The following ETFA variants were observed in gnomAD, a reference collection of about 807,000 sequenced individuals.
The protein encoded by ETFA is electron transfer flavoprotein subunit alpha.
In ETFA, 22 loss-of-function variants were observed where a neutral mutation model predicts 46.2. The observed-to-expected ratio is 0.48, with a 90% CI of 0.34 to 0.68. The LOEUF (loss-of-function observed/expected upper bound fraction) is 0.68, where lower values mean the gene tolerates loss of function less well. Among genes scored for constraint, ETFA ranks in the 30% least tolerant of loss-of-function variants. ETFA has a pLI of 0.01. For synonymous variants in ETFA, 131 were observed against 139.9 expected (o/e 0.94, Z 0.45); for missense variants, 345 against 401.1 (o/e 0.86, Z 1.19).
At chr15:76,260,005 TTCC>T in intron 9 of ETFA, 1 of 1,465,018 alleles carries the variant, frequency 6.8e-7, no homozygotes, top group Non-Finnish European at 9.6e-7. Context: ...GCAAGCTGCT[TTCC>T]TGAGGAACTC....
intron 1 of ETFA, among the ~76,000 whole-genome samples, chr15:76,300,762 AC>A (rs2039872318): frequency 6.6e-6 from 1 of 151,982 alleles, no homozygotes; most frequent in Admixed American, 6.5e-5. Flanking sequence ...TACCTCCCTA[AC>A]CATATATCCC....
intron 9 of ETFA, chr15:76,259,331 G>T (rs570609443): frequency 5.6e-6 from 9 of 1,595,854 alleles, no homozygotes; most frequent in Non-Finnish European, 7.7e-6. Flanking sequence ...TAAAGCTTGG[G>T]CGCTGCTTGG....
intron 9 of ETFA, among the ~76,000 whole-genome samples, chr15:76,249,200 C>T (rs1367025222): frequency 1.3e-5 from 2 of 148,750 alleles, no homozygotes; most frequent in Non-Finnish European, 3.0e-5. Context: ...GTGATCTTGG[C>T]TCACCACAAC....
intron 9 of ETFA, among the ~76,000 whole-genome samples, chr15:76,240,796 C>T (rs995991200): frequency 1.3e-5 from 2 of 151,912 alleles, no homozygotes; most frequent in East Asian, 1.9e-4. Context: ...TCTATAATCC[C>T]AACTACTTGG....
At chr15:76,286,009 A>T (rs1291454981) in intron 6 of ETFA, among the ~76,000 whole-genome samples, 2 of 152,198 alleles carry the variant, frequency 1.3e-5, no homozygotes, top group Non-Finnish European at 2.9e-5. Context: ...GGTTCAAATA[A>T]GACACTATAT....
intron 8 of ETFA, among the ~76,000 whole-genome samples, chr15:76,275,615 G>A (rs1330611999): frequency 2.0e-5 from 3 of 152,218 alleles, no homozygotes; most frequent in Non-Finnish European, 4.4e-5. Context: ...AACTGACACA[G>A]TTGGATTAAT....
At chr15:76,274,292 G>A in intron 9 of ETFA, 120 bp downstream of exon 9, 1 of 789,202 alleles carries the variant, frequency 1.3e-6, no homozygotes, top group Non-Finnish European at 2.2e-6. Flanking sequence ...ATTCACCATG[G>A]TACTGGCTAA....
rs1050931741 is a variant in ETFA at position 76,311,418 on chromosome 15, T to C, written c.-30A>G. 1.3e-6 allele frequency: 2 copies of C among 1,551,240 alleles called. No individual in the cohort carries two copies. The highest frequency in any genetic ancestry group is 1.7e-6 in the Non-Finnish European group (2 of 1,149,418). On this transcript the variant is annotated 5_prime_UTR_variant, in exon 1 of 12. Coordinates refer to ENST00000557943, the MANE Select transcript of ETFA (RefSeq NM_000126.4). ...TCCGCTTCCGCCGCAACCTCGGCCTTACAGCAGCCCCGTGCCCGGCCAACT... is the reference window on the plus strand; with the variant it reads ...TCCGCTTCCGCCGCAACCTCGGCCTCACAGCAGCCCCGTGCCCGGCCAACT...
At chr15:76,216,785 C>G (rs2038900531) in intron 11 of ETFA, among the ~76,000 whole-genome samples, 188 bp from the exon 12 acceptor site, 1 of 151,544 alleles carries the variant, frequency 6.6e-6, no homozygotes, top group Admixed American at 6.6e-5. Context: ...GGCGACTACC[C>G]AGGACCCAGG....
At chr15:76,268,008 G>T (rs2039489508) in intron 9 of ETFA, among the ~76,000 whole-genome samples, 1 of 152,050 alleles carries the variant, frequency 6.6e-6, no homozygotes, top group African/African-American at 2.4e-5. Flanking sequence ...TTTAAGGATT[G>T]CTTTTTTGCA....
rs747353841 is a variant in ETFA at position 76,225,948 on chromosome 15, G to A, written c.883-19C>T. On this transcript the variant is annotated intron_variant, in intron 10 of 11. Coordinates refer to ENST00000557943, the MANE Select transcript of ETFA (RefSeq NM_000126.4). ...CAATTGTCTGTGAAATAAAAACAAAGAGTTTGACTTTTACCAAGAAAACAT... is the reference window on the plus strand; with the variant it reads ...CAATTGTCTGTGAAATAAAAACAAAAAGTTTGACTTTTACCAAGAAAACAT... 1.3e-6 allele frequency: 2 copies of A among 1,509,628 alleles called. No homozygotes were observed. The highest frequency in any genetic ancestry group is 1.8e-6 in the Non-Finnish European group (2 of 1,085,082). 93.5% of individuals were successfully genotyped at this position (1,509,628 alleles called of 1,614,324 possible).
At chr15:76,288,425 A>G (rs1430848064) in intron 4 of ETFA, among the ~76,000 whole-genome samples, 1 of 152,176 alleles carries the variant, frequency 6.6e-6, no homozygotes, top group Non-Finnish European at 1.5e-5. Context: ...TAAAAAAAAG[A>G]GTAAGGCCAG....
chr15:76,302,897 C>T (rs1380174935), intron 1 of ETFA, among the ~76,000 whole-genome samples: 1 of 152,130 alleles, frequency 6.6e-6, no homozygotes, highest in Non-Finnish European at 1.5e-5. Context: ...CCCAGGCTGG[C>T]GTCCAATTCC....
chr15:76,299,118 C>G (rs2039856019), intron 1 of ETFA, among the ~76,000 whole-genome samples: 1 of 152,164 alleles, frequency 6.6e-6, no homozygotes, highest in South Asian at 2.1e-4. Context: ...TCTCTTCAAA[C>G]ACTGCTATTT....
At chr15:76,247,370 T>G (rs1026009306) in intron 9 of ETFA, among the ~76,000 whole-genome samples, 1 of 152,126 alleles carries the variant, frequency 6.6e-6, no homozygotes, top group South Asian at 2.1e-4. Context: ...GAGACATACA[T>G]TTTTTTAGAT....
At chr15:76,251,804 G>A (rs185871420) in intron 9 of ETFA, among the ~76,000 whole-genome samples, 6 of 152,256 alleles carry the variant, frequency 3.9e-5, no homozygotes, top group South Asian at 4.1e-4. Flanking sequence ...CAGCAGATAC[G>A]AAATCACATA....
chr15:76,287,245 C>A (rs1421570477), intron 5 of ETFA, among the ~76,000 whole-genome samples: 1 of 152,198 alleles, frequency 6.6e-6, no homozygotes, highest in Admixed American at 6.5e-5. Context: ...CTCACCATAG[C>A]CTCGACCTTC....
Position 76,283,825 on chromosome 15 carries a change from C to T in ETFA, c.665G>A (p.Gly222Asp). 1 of 1,608,504 alleles carries T rather than the reference C, an allele frequency of 6.2e-7. No homozygotes were observed. The highest frequency in any genetic ancestry group is 2.2e-5 in the East Asian group (1 of 44,758). ...GTTCTCTCCACTCTTCAAGCCTCGA[C>T]CTCATTTAAAAAGATGAAAAAAAAA... ...LTGAKVVVSGGRGLKSGENFK... is the reference protein window; with the variant it reads ...LTGAKVVVSGDRGLKSGENFK... Residue 222 changes from glycine to aspartate, a missense_variant and splice_region_variant, in exon 8 of 12, where the codon GGT (glycine) becomes GAT (aspartate). Gly to Asp is a moderately conservative substitution (Grantham distance 94). Coordinates refer to ENST00000557943, the MANE Select transcript of ETFA (RefSeq NM_000126.4).
chr15:76,283,748 T>C lies in ETFA; in HGVS notation c.733+9A>G. ...GGGAATATCTTTCTACTAAGGAAAA[T>C]AACTTTACCTGCAGCATGTAGTTGA... On this transcript the variant is annotated intron_variant, in intron 8 of 11. Transcript: ENST00000557943. 1 of 1,561,070 alleles carries C rather than the reference T, an allele frequency of 6.4e-7. No homozygotes were observed. Among genetic ancestry groups the C allele is most frequent in the South Asian group, 1.1e-5 (1 of 89,776 alleles).
Sources: gnomAD v4.1 joint callset for allele counts (sites outside exome capture counted in the v4.1 genomes callset) on GRCh38, gnomAD v4.1.1 for gene constraint, MANE v1.5 for transcripts, NCBI Gene and HGNC (gene_info 2026-07-23, HGNC 2026-07-21) for gene names.